The following TTC29 variants were observed in gnomAD, a reference collection of about 807,000 sequenced individuals.
TTC29 encodes the protein tetratricopeptide repeat domain 29, also known as tetratricopeptide repeat protein 29.
In TTC29, 49 loss-of-function variants were observed where a neutral mutation model predicts 58.1. The ratio of observed to expected loss-of-function variants is 0.84; its 90% CI spans 0.67 to 1.07. The LOEUF (loss-of-function observed/expected upper bound fraction) is 1.07, where lower values mean the gene tolerates loss of function less well. TTC29 is among the 50% of genes least tolerant of loss of function. TTC29 has a pLI of 0.00. For missense variants in TTC29, 582 were observed against 555.6 expected (o/e 1.05, Z -0.48); for synonymous variants, 209 against 196.8 (o/e 1.06, Z -0.52).
At chr4:146,816,334 G>C (rs992388066) in intron 10 of TTC29, among the ~76,000 whole-genome samples, 4 of 152,166 alleles carry the variant, frequency 2.6e-5, no homozygotes, top group Admixed American at 2.0e-4. Flanking sequence ...TTTAGGTCTT[G>C]TCTGTTTTCA....
chr4:146,741,067 A>C (rs1745105126), intron 11 of TTC29, among the ~76,000 whole-genome samples: 1 of 152,180 alleles, frequency 6.6e-6, no homozygotes, highest in South Asian at 2.1e-4. Flanking sequence ...GGCTGAATTG[A>C]TCTTTCTGGC....
At chr4:146,791,682 T>C (rs1287754195) in intron 11 of TTC29, among the ~76,000 whole-genome samples, 1 of 152,186 alleles carries the variant, frequency 6.6e-6, no homozygotes, top group Non-Finnish European at 1.5e-5. Flanking sequence ...CTATGCTTAG[T>C]GAGGAAGGCA....
chr4:146,929,784 T>C (rs968092787), intron 4 of TTC29, among the ~76,000 whole-genome samples: 1 of 152,100 alleles, frequency 6.6e-6, no homozygotes, highest in Non-Finnish European at 1.5e-5. Context: ...GAAGCTTCTC[T>C]ATTTGGGTTT....
At chr4:146,784,416 A>T (rs1262459393) in intron 11 of TTC29, among the ~76,000 whole-genome samples, 1 of 152,094 alleles carries the variant, frequency 6.6e-6, no homozygotes, top group East Asian at 1.9e-4. Context: ...GGCCTTTGGT[A>T]GGTGCTATGG....
chr4:146,844,547 T>C (rs1272619628), intron 8 of TTC29, among the ~76,000 whole-genome samples: 1 of 152,150 alleles, frequency 6.6e-6, no homozygotes, highest in Non-Finnish European at 1.5e-5. Context: ...TTTTTGTTTA[T>C]TTTTATTTTT....
intron 11 of TTC29, among the ~76,000 whole-genome samples, chr4:146,755,255 C>T (rs1746353462): frequency 6.6e-6 from 1 of 152,078 alleles, no homozygotes; most frequent in African/African-American, 2.4e-5. Flanking sequence ...CACCTGTCCT[C>T]ATAGATCAGA....
intron 6 of TTC29, among the ~76,000 whole-genome samples, chr4:146,883,250 T>G (rs905338413): frequency 5.9e-5 from 9 of 152,056 alleles, no homozygotes; most frequent in Admixed American, 4.6e-4. Flanking sequence ...GAGCTTCCTT[T>G]CCTTAAGAAT....
intron 11 of TTC29, among the ~76,000 whole-genome samples, chr4:146,749,793 G>GA (rs932336887): frequency 6.6e-6 from 1 of 152,016 alleles, no homozygotes; most frequent in Non-Finnish European, 1.5e-5. Flanking sequence ...AGCAGCAAGA[G>GA]AAAAACATCA....
chr4:146,867,469 A>T, intron 8 of TTC29, 29 bp downstream of exon 8: 1 of 1,116,326 alleles, frequency 9.0e-7, no homozygotes. Context: ...TAAAAATTAA[A>T]AATGGCAGTG....
intron 11 of TTC29, among the ~76,000 whole-genome samples, chr4:146,740,555 G>T (rs928926737): frequency 1.3e-5 from 2 of 152,100 alleles, no homozygotes; most frequent in Non-Finnish European, 2.9e-5. Context: ...CCTAGCTCAG[G>T]CAGAAACAGT....
chr4:146,936,246 A>G (rs1735806082), intron 4 of TTC29, among the ~76,000 whole-genome samples: 2 of 152,182 alleles, frequency 1.3e-5, no homozygotes, highest in Admixed American at 6.6e-5. Flanking sequence ...CCTATTTTGC[A>G]TTGTCTTAGA....
At chr4:146,875,003 G>A in intron 6 of TTC29, 75 bp from the exon 7 acceptor site, 2 of 1,138,460 alleles carry the variant, frequency 1.8e-6, no homozygotes, top group Non-Finnish European at 2.6e-6. Context: ...ATACGTTTTA[G>A]CTTTATTATT....
At position 146,875,728 on chromosome 4, in the gene TTC29, T is replaced by A. The variant is rs186366067; in HGVS notation, c.587-800A>T. Among the ~76,000 whole-genome samples, 9 of 152,354 alleles carry A rather than the reference T, an allele frequency of 5.9e-5. No homozygotes were observed. In the East Asian group the frequency reaches 1.7e-3, roughly 29 times the overall value. Reference sequence around the variant, plus strand: ...TTTCCAATGAGGTTTTTGTATATGCTGTTTAGTTTTGGATAATTAGAATGT... The same window carrying A: ...TTTCCAATGAGGTTTTTGTATATGCAGTTTAGTTTTGGATAATTAGAATGT... On this transcript the variant is annotated intron_variant, in intron 6 of 12. Transcript: ENST00000325106.
At chr4:146,727,362 A>AAAG (rs1308015193) in intron 11 of TTC29, among the ~76,000 whole-genome samples, 4 of 152,164 alleles carry the variant, frequency 2.6e-5, no homozygotes, top group African/African-American at 9.7e-5. Context: ...GTTATCACCC[A>AAAG]AAGTCCGTAA....
chr4:146,808,793 G>GA (rs1195888041), intron 10 of TTC29, among the ~76,000 whole-genome samples: 1 of 152,126 alleles, frequency 6.6e-6, no homozygotes, highest in Non-Finnish European at 1.5e-5. Context: ...TCAGTATCGT[G>GA]AAAATAGCCA....
intron 11 of TTC29, among the ~76,000 whole-genome samples, chr4:146,728,860 C>CATATATACGTATATATATACGT (rs1744101638): frequency 1.6e-5 from 1 of 62,026 alleles, no homozygotes; most frequent in Non-Finnish European, 3.7e-5. Context: ...TATATATACA[C>CATATATACGTATATATATACGT]ATATATATGT....
intron 6 of TTC29, among the ~76,000 whole-genome samples, chr4:146,890,007 C>T (rs1460767880): frequency 6.6e-6 from 1 of 152,014 alleles, no homozygotes; most frequent in East Asian, 1.9e-4. Context: ...TGCCACTCCA[C>T]CATTGGTATA....
chr4:146,920,504 A>C (rs1734507938), intron 4 of TTC29, among the ~76,000 whole-genome samples: 1 of 151,230 alleles, frequency 6.6e-6, no homozygotes, highest in Admixed American at 6.6e-5. Flanking sequence ...AACATTATTC[A>C]TGCTCTTTTC....
At chr4:146,929,661 TGTTG>T (rs1232415895) in intron 4 of TTC29, among the ~76,000 whole-genome samples, 2 of 152,246 alleles carry the variant, frequency 1.3e-5, no homozygotes, top group East Asian at 3.9e-4. Context: ...CATATACTGA[TGTTG>T]GTTAATATAA....
Sources: gnomAD v4.1 joint callset for allele counts (sites outside exome capture counted in the v4.1 genomes callset) on GRCh38, gnomAD v4.1.1 for gene constraint, MANE v1.5 for transcripts, NCBI Gene and HGNC (gene_info 2026-07-23, HGNC 2026-07-21) for gene names.